ECE1: variants seen among roughly 807,000 people sequenced by gnomAD.
ECE1 encodes the protein endothelin-converting enzyme 1.
ECE1 carries 35 observed loss-of-function variants against 98.6 expected under a neutral mutation model. That is an observed-to-expected ratio of 0.35 (90% CI 0.27 to 0.47). ECE1 has a LOEUF of 0.47. Ranked by LOEUF, ECE1 falls within the 20% of genes least tolerant of loss-of-function variation. ECE1 has a pLI of 1.00. For missense variants in ECE1, 814 were observed against 1,025.3 expected (o/e 0.79, Z 2.81); for synonymous variants, 394 against 407.1 (o/e 0.97, Z 0.39).
In ECE1 at chr1:21,235,297, T is replaced by C. The variant is rs1001300205; in HGVS notation, c.1566+553A>G. 2.6e-5 allele frequency among the ~76,000 whole-genome samples: 4 copies of C among 152,216 alleles called. No homozygotes were observed. The highest frequency in any genetic ancestry group is 4.4e-5 in the Non-Finnish European group (3 of 68,036). On this transcript the variant is annotated intron_variant, in intron 13 of 18. Coordinates refer to ENST00000374893, the MANE Select transcript of ECE1 (RefSeq NM_001397.3). The surrounding 1 kb of genome is among the most constrained non-coding windows in gnomAD (Gnocchi z 4.2). ...AGCAGGGATGTATCAACCACCTCCA[T>C]TGCCCAAACCAAGCTTAAAAATGCA...
intron 4 of ECE1, among the ~76,000 whole-genome samples, chr1:21,269,541 G>C (rs983860145): frequency 6.6e-6 from 1 of 152,170 alleles, no homozygotes; most frequent in Non-Finnish European, 1.5e-5. Context: ...AAATCTGGGT[G>C]ACCTCTCTGC....
chr1:21,311,509 C>CAAAA (rs397979522), intron 1 of ECE1, among the ~76,000 whole-genome samples: 5 of 74,292 alleles, frequency 6.7e-5, no homozygotes, highest in Non-Finnish European at 7.9e-5. Context: ...CCTGTCTCCA[C>CAAAA]AAAAAAAAAA....
chr1:21,289,271 C>T (rs964754538), intron 2 of ECE1, among the ~76,000 whole-genome samples: 1 of 152,142 alleles, frequency 6.6e-6, no homozygotes, highest in African/African-American at 2.4e-5. Flanking sequence ...CCTAGGGTGT[C>T]CGCAGCGTTT....
intron 6 of ECE1, among the ~76,000 whole-genome samples, chr1:21,257,993 CCT>C (rs1311237211): frequency 1.3e-5 from 2 of 152,218 alleles, no homozygotes; most frequent in African/African-American, 4.8e-5. Context: ...GAAAATAAAA[CCT>C]AACCTTCAGA....
intron 1 of ECE1, among the ~76,000 whole-genome samples, chr1:21,303,538 A>G (rs1213186929): frequency 6.6e-6 from 1 of 152,258 alleles, no homozygotes; most frequent in Non-Finnish European, 1.5e-5. Flanking sequence ...GCACTCAGGA[A>G]ATACCAGCTG....
intron 1 of ECE1, among the ~76,000 whole-genome samples, chr1:21,335,913 G>A (rs1034314809): frequency 4.6e-5 from 7 of 152,186 alleles, no homozygotes; most frequent in African/African-American, 1.7e-4. Flanking sequence ...GCCAATCAGT[G>A]GGTCTCCAGG....
Position 21,290,132 on chromosome 1 carries a change from G to C in ECE1, c.76C>G (p.Leu26Val). 6.4e-7 allele frequency: 1 copy of C among 1,565,318 alleles called. No individual in the cohort carries two copies. The highest frequency in any genetic ancestry group is 8.6e-7 in the Non-Finnish European group (1 of 1,157,572). ...GAGTCCACCAGGTCCTCCTCGTCCA[G>C]CGTGGCCCGCTTGTACGTCGACATC... ...LGMSTYKRAT[L>V]DEEDLVDSLS... Residue 26 changes from leucine (L) to valine (V), a missense_variant, in exon 2 of 19, where the codon CTG becomes GTG. This residue lies in a region of ECE1 where 257 missense variants were observed against 278.9 expected (regional missense o/e 0.92). Coordinates refer to ENST00000374893, the MANE Select transcript of ECE1 (RefSeq NM_001397.3). This position sits in a 1 kb window ranked among gnomAD's most constrained non-coding sequence, Gnocchi z 7.3.
intron 3 of ECE1, among the ~76,000 whole-genome samples, chr1:21,273,307 G>A (rs1383433876): frequency 6.6e-6 from 1 of 152,010 alleles, no homozygotes; most frequent in Non-Finnish European, 1.5e-5. Flanking sequence ...GTGTGTGCAT[G>A]TGTGCACCTG....
intron 11 of ECE1, among the ~76,000 whole-genome samples, chr1:21,237,872 G>T (rs1205085744): frequency 6.6e-6 from 1 of 152,250 alleles, no homozygotes; most frequent in East Asian, 1.9e-4. Flanking sequence ...TGGAGGTGGG[G>T]ATGGCTGTCA....
At chr1:21,344,192 G>A (rs1342490178) in intron 1 of ECE1, among the ~76,000 whole-genome samples, 3 of 152,200 alleles carry the variant, frequency 2.0e-5, no homozygotes, top group Non-Finnish European at 4.4e-5. Context: ...GGGTTGTAAG[G>A]GGACTCCAGC....
intron 4 of ECE1, among the ~76,000 whole-genome samples, chr1:21,269,071 C>T (rs2236842): frequency 0.034 from 5,229 of 152,244 alleles, 286 homozygotes; most frequent in African/African-American, 0.11. Flanking sequence ...GTGGAGCAGC[C>T]GCTGGGGAAA....
chr1:21,238,632 T>C (rs1325481546), intron 10 of ECE1, among the ~76,000 whole-genome samples: 1 of 152,164 alleles, frequency 6.6e-6, no homozygotes, highest in Non-Finnish European at 1.5e-5. Flanking sequence ...CCACATCCTA[T>C]GCTCCTACCT....
chr1:21,226,278 C>T (rs1012131154), intron 16 of ECE1, among the ~76,000 whole-genome samples: 1 of 152,142 alleles, frequency 6.6e-6, no homozygotes, highest in Non-Finnish European at 1.5e-5. Flanking sequence ...ATAGGAACCC[C>T]AAGAGCGGGA....
rs552021605 is a variant in ECE1 at position 21,261,494 on chromosome 1, T to C, written c.494-1102A>G. Among the ~76,000 whole-genome samples, 64 of 152,220 alleles carry C rather than the reference T, an allele frequency of 4.2e-4. No individual in the cohort carries two copies. In the South Asian group the frequency reaches 0.012, roughly 28 times the overall value. On this transcript the variant is annotated intron_variant, in intron 4 of 18. Transcript: ENST00000374893. ...GCATGGGACCCTGTTAAAATCCTAC[T>C]CAACCTCAAGGCCTCTACGGGGACA...
intron 1 of ECE1, among the ~76,000 whole-genome samples, chr1:21,336,829 C>T (rs972148163): frequency 5.3e-5 from 8 of 151,474 alleles, no homozygotes; most frequent in Admixed American, 1.3e-4. Context: ...GGCGACAGAG[C>T]GAGACTCCAG....
At position 21,228,013 on chromosome 1, in the gene ECE1, C is replaced by T. The variant is rs1466448166; in HGVS notation, c.1699G>A (p.Ala567Thr). The T allele has an allele frequency of 1.3e-6, 2 of 1,564,438 alleles. No individual in the cohort carries two copies. Among genetic ancestry groups the T allele is most frequent in the Admixed American group, 1.9e-5 (1 of 52,994 alleles). Reference protein sequence around the residue: ...QWSMTPPMVNAYYSPTKNEIV... With the variant: ...QWSMTPPMVNTYYSPTKNEIV... Reference sequence around the variant, plus strand: ...TCATTCTTGGTGGGCGAGTAGTAGGCGTTCACCATGGGCGGGGTCATGCTC... The same window carrying T: ...TCATTCTTGGTGGGCGAGTAGTAGGTGTTCACCATGGGCGGGGTCATGCTC... Residue 567 changes from alanine to threonine, a missense_variant, in exon 15 of 19, where the codon GCC becomes ACC. Around this residue, in one of 3 missense-constraint regions of ECE1, gnomAD observed 452 missense variants for 567.3 expected, o/e 0.80. Transcript: ENST00000374893.
intron 17 of ECE1, among the ~76,000 whole-genome samples, chr1:21,222,813 G>T (rs2098169132): frequency 8.0e-6 from 1 of 124,844 alleles, no homozygotes; most frequent in Non-Finnish European, 1.6e-5. Flanking sequence ...CTGCACTCCA[G>T]CCTGGGTGAC....
intron 2 of ECE1, among the ~76,000 whole-genome samples, chr1:21,283,186 C>A (rs1012493752): frequency 8.6e-5 from 13 of 152,032 alleles, no homozygotes; most frequent in Non-Finnish European, 1.9e-4. Flanking sequence ...ACCTCGTGAT[C>A]CACCCGCCTT....
intron 14 of ECE1, among the ~76,000 whole-genome samples, chr1:21,231,147 A>G (rs1367549465): frequency 6.6e-6 from 1 of 152,036 alleles, no homozygotes; most frequent in Admixed American, 6.6e-5. Context: ...TTGAGTGTAG[A>G]AGGATCCCAA....
Sources: allele counts gnomAD v4.1 joint callset (sites outside exome capture counted in the v4.1 genomes callset), GRCh38; gene constraint gnomAD v4.1.1; regional missense constraint gnomAD v4.1.1; non-coding constraint Gnocchi (gnomAD v3.1); transcripts MANE v1.5; gene names NCBI Gene and HGNC (gene_info 2026-07-23, HGNC 2026-07-21).